Variants in KDM5B observed in about 807,000 individuals in gnomAD.
The protein encoded by KDM5B is lysine-specific demethylase 5B.
In KDM5B, 144 loss-of-function variants were observed where a neutral mutation model predicts 193.4. The ratio of observed to expected loss-of-function variants is 0.74; its 90% CI spans 0.65 to 0.86. The LOEUF is 0.86. KDM5B is among the 40% of genes least tolerant of loss of function. KDM5B has a pLI of 0.00. For synonymous variants in KDM5B, 668 were observed against 682.6 expected (o/e 0.98, Z 0.33); for missense variants, 1,833 against 1,886.9 (o/e 0.97, Z 0.53).
At position 202,756,349 on chromosome 1, in the gene KDM5B, T is replaced by C. The variant is rs1425365811; in HGVS notation, c.1356+9A>G. The C allele has an allele frequency of 1.3e-6, 2 of 1,595,900 alleles. No individual in the cohort carries two copies. Among genetic ancestry groups the C allele is most frequent in the Non-Finnish European group, 1.7e-6 (2 of 1,172,180 alleles). ...AATACCTCAATTTCCAAGCCACTTATATGCCTACCTCTTCCTCAGGTGAGA... is the reference window on the plus strand; with the variant it reads ...AATACCTCAATTTCCAAGCCACTTACATGCCTACCTCTTCCTCAGGTGAGA... On this transcript the variant is annotated intron_variant, in intron 10 of 26. Transcript: ENST00000367265.
chr1:202,801,413 T>C lies in KDM5B; in HGVS notation c.204+6689A>G, dbSNP rs571507733. On this transcript the variant is annotated intron_variant, in intron 1 of 26. Coordinates refer to ENST00000367265, the MANE Select transcript of KDM5B (RefSeq NM_006618.5). ...GTGGGGGGTAGAGGACTTAAAAGAA[T>C]GCATTCCAGTCAAATTCTGCATCTT... 2.0e-5 allele frequency among the ~76,000 whole-genome samples: 3 copies of C among 152,308 alleles called. No homozygotes were observed. In the South Asian group the frequency reaches 6.2e-4, roughly 32 times the overall value.
rs762906053 is a variant in KDM5B, at chr1:202,749,037, C to T, written c.1924G>A (p.Val642Ile). The change falls in exon 14 of 27, where the codon GTA becomes ATA. Residue 642 changes from valine to isoleucine, a missense_variant. Val to Ile is a conservative substitution (Grantham distance 29, BLOSUM62 3). This residue lies in a region of KDM5B where 1,379 missense variants were observed against 1,349.6 expected (regional missense o/e 1.02). Transcript: ENST00000367265. ...GTTGAAGCCACTACAACATCTAATA[C>T]ATCAGCCTTGGAAGCCATCTTGCAG... ...MICKMASKAD[V>I]LDVVVASTVQ... 2.6e-5 allele frequency: 42 copies of T among 1,614,012 alleles called. No individual in the cohort carries two copies. Among genetic ancestry groups the T allele is most frequent in the Non-Finnish European group, 3.6e-5 (42 of 1,179,992 alleles).
At chr1:202,796,911 C>T (rs1461846860) in intron 1 of KDM5B, 1 of 152,428 alleles carries the variant, frequency 6.6e-6, no homozygotes, top group Non-Finnish European at 1.5e-5. Context: ...GAAGTGACAT[C>T]CCTGGATGCG....
rs1654766997 is a variant in KDM5B, at chr1:202,728,892, A to G, written c.*144T>C. 4 of 904,094 alleles carry G rather than the reference A, an allele frequency of 4.4e-6. No individual in the cohort carries two copies. Among genetic ancestry groups the G allele is most frequent in the East Asian group, 2.5e-5 (1 of 39,352 alleles). The allele number at this position is 904,094 out of a possible 1,614,324, so 56.0% of individuals were successfully genotyped here. A position where few individuals can be genotyped will look rare whatever the true frequency, so the allele number is the denominator to read the frequency against. On this transcript the variant is annotated 3_prime_UTR_variant, in exon 27 of 27. Coordinates refer to ENST00000367265, the MANE Select transcript of KDM5B (RefSeq NM_006618.5). ...TTTTCTTTTCTTCAAAGAGTCCTGG[A>G]AAAATGATCCCATAAGGAATAGAAA...
At chr1:202,735,336 C>G in intron 22 of KDM5B, 93 bp downstream of exon 22, 2 of 1,344,836 alleles carry the variant, frequency 1.5e-6, no homozygotes, top group Non-Finnish European at 2.0e-6. Context: ...TCAAGTTACT[C>G]TACTTGCCTT....
In KDM5B at chr1:202,753,035, C is replaced by G; in HGVS notation, c.1571G>C (p.Gly524Ala). The change falls in exon 12 of 27, where the codon GGG becomes GCG. Residue 524 changes from glycine (G) to alanine (A), a missense_variant. By Grantham distance (60) the Gly-to-Ala change is moderately conservative. Around this residue, in one of 3 missense-constraint regions of KDM5B, gnomAD observed 1,379 missense variants for 1,349.6 expected, o/e 1.02. Coordinates refer to ENST00000367265, the MANE Select transcript of KDM5B (RefSeq NM_006618.5). Reference sequence around the variant, plus strand: ...ATTTTCTAGCTGCTCAGCAGCATACCCTGGGACTCCATACCAGGTTTTTGG... The same window carrying G: ...ATTTTCTAGCTGCTCAGCAGCATACGCTGGGACTCCATACCAGGTTTTTGG... ...GEPKTWYGVP[G>A]YAAEQLENVM... The G allele has an allele frequency of 6.2e-7, 1 of 1,613,904 alleles. No individual in the cohort carries two copies.
At position 202,750,540 on chromosome 1, in the gene KDM5B, G is replaced by A. The variant is rs571899684; in HGVS notation, c.1821+119C>T. Reference sequence around the variant, plus strand: ...TCTGCCCACCTTGGCTTCCGAAAGCGCTGGGATTATAGGCATGAGCTACCG... The same window carrying A: ...TCTGCCCACCTTGGCTTCCGAAAGCACTGGGATTATAGGCATGAGCTACCG... On this transcript the variant is annotated intron_variant, in intron 13 of 26. Coordinates refer to ENST00000367265, the MANE Select transcript of KDM5B (RefSeq NM_006618.5). 5.4e-5 allele frequency: 57 copies of A among 1,049,822 alleles called. 1 individual carries two copies. The highest frequency in any genetic ancestry group is 5.2e-4 in the South Asian group (28 of 54,326). The allele number at this position is 1,049,822 out of a possible 1,614,324, so 65.0% of individuals were successfully genotyped here.
chr1:202,777,111 G>C lies in KDM5B; in HGVS notation c.205-17C>G. On this transcript the variant is annotated splice_polypyrimidine_tract_variant and intron_variant, in intron 1 of 26. Coordinates refer to ENST00000367265, the MANE Select transcript of KDM5B (RefSeq NM_006618.5). Reference sequence around the variant, plus strand: ...CTGCCAATCCTAGGAGAAAGCAAAGGCTCTTATTAGAATAACTTATAAGCA... The same window carrying C: ...CTGCCAATCCTAGGAGAAAGCAAAGCCTCTTATTAGAATAACTTATAAGCA... 1.3e-6 allele frequency: 2 copies of C among 1,590,542 alleles called. No homozygotes were observed. The highest frequency in any genetic ancestry group is 1.3e-5 in the African/African-American group (1 of 74,440).
chr1:202,787,911 T>C (rs1342844219), intron 1 of KDM5B, among the ~76,000 whole-genome samples: 1 of 151,098 alleles, frequency 6.6e-6, no homozygotes, highest in Non-Finnish European at 1.5e-5. Flanking sequence ...AAAAAAATTA[T>C]GTGAAGTAAA....
chr1:202,777,892 T>C (rs1361677970), intron 1 of KDM5B, among the ~76,000 whole-genome samples: 3 of 152,074 alleles, frequency 2.0e-5, no homozygotes, highest in African/African-American at 7.2e-5. Flanking sequence ...AAAGTCATCC[T>C]TGGCCGGGCA....
chr1:202,744,738 G>A (rs948603877), intron 16 of KDM5B, among the ~76,000 whole-genome samples: 1 of 152,204 alleles, frequency 6.6e-6, no homozygotes, highest in African/African-American at 2.4e-5. Context: ...AGACAGTGTG[G>A]TGATTCTTCA....
At chr1:202,746,392 C>A in intron 14 of KDM5B, 69 bp from the exon 15 acceptor site, 12 of 913,648 alleles carry the variant, frequency 1.3e-5, no homozygotes, top group South Asian at 8.0e-5. Flanking sequence ...GACAAACATG[C>A]AGTAGTACTT....
chr1:202,731,235 T>C (rs1230575260), intron 24 of KDM5B, among the ~76,000 whole-genome samples, 172 bp from the exon 25 acceptor site: 1 of 152,248 alleles, frequency 6.6e-6, no homozygotes, highest in African/African-American at 2.4e-5. Context: ...AAAGCCACAA[T>C]ATAATAAACA....
intron 7 of KDM5B, 78 bp downstream of exon 7, chr1:202,762,621 T>TG (rs1656295998): frequency 1.2e-6 from 1 of 801,390 alleles, no homozygotes; most frequent in South Asian, 1.5e-5. Flanking sequence ...AGTTTAAACT[T>TG]GGGGGTAAAG....
rs1655852251 is a variant in KDM5B at position 202,752,961 on chromosome 1, G to A, written c.1645C>T (p.Leu549Phe). 6.2e-7 allele frequency: 1 copy of A among 1,614,032 alleles called. No individual in the cohort carries two copies. The highest frequency in any genetic ancestry group is 8.5e-7 in the Non-Finnish European group (1 of 1,180,020). ...PELFVSQPDL[L>F]HQLVTIMNPN... ...TTCATGATGGTCACAAGCTGATGGAGGAGATCCGGCTGGGACACAAAGAGT... is the reference window on the plus strand; with the variant it reads ...TTCATGATGGTCACAAGCTGATGGAAGAGATCCGGCTGGGACACAAAGAGT... The change falls in exon 12 of 27, where the codon CTC becomes TTC. Residue 549 changes from leucine (L) to phenylalanine (F), a missense_variant. This residue lies in a region of KDM5B where 1,379 missense variants were observed against 1,349.6 expected (regional missense o/e 1.02). Transcript: ENST00000367265.
chr1:202,781,053 T>C (rs1657177567), intron 1 of KDM5B, among the ~76,000 whole-genome samples: 3 of 152,216 alleles, frequency 2.0e-5, no homozygotes, highest in Admixed American at 1.3e-4. Flanking sequence ...CAGTGGCTCA[T>C]GCCTATAATC....
chr1:202,798,797 G>A (rs542445248), intron 1 of KDM5B, among the ~76,000 whole-genome samples: 14 of 152,258 alleles, frequency 9.2e-5, no homozygotes, highest in South Asian at 2.1e-4. Flanking sequence ...TGAGGTGGGA[G>A]GATGGCTTAA....
At position 202,746,474 on chromosome 1, in the gene KDM5B, A is replaced by G. The variant is rs1405001564; in HGVS notation, c.2017-151T>C. 7.4e-6 allele frequency: 4 copies of G among 541,446 alleles called. No homozygotes were observed. The African/African-American group carries it at 7.6e-5, about 10-fold the overall frequency. The allele number at this position is 541,446 out of a possible 1,614,324, so 33.5% of individuals were successfully genotyped here. ...TTAAAAATGTGTGGCATACAAAGAA[A>G]CAAATGACCTAGCAAATACAGGCAA... On this transcript the variant is annotated intron_variant, in intron 14 of 26. Coordinates refer to ENST00000367265, the MANE Select transcript of KDM5B (RefSeq NM_006618.5).
intron 1 of KDM5B, among the ~76,000 whole-genome samples, chr1:202,801,883 A>C (rs941068666): frequency 6.6e-6 from 1 of 152,064 alleles, no homozygotes. Context: ...CACCCCAAAG[A>C]GACTTGTCGG....
Sources: allele counts gnomAD v4.1 joint callset (sites outside exome capture counted in the v4.1 genomes callset), GRCh38; gene constraint gnomAD v4.1.1; regional missense constraint gnomAD v4.1.1; transcripts MANE v1.5; gene names NCBI Gene and HGNC (gene_info 2026-07-23, HGNC 2026-07-21).